DDX10: variants seen among roughly 807,000 people sequenced by gnomAD.
The protein encoded by DDX10 is DEAD-box helicase 10.
DDX10 carries 74 observed loss-of-function variants against 104.3 expected under a neutral mutation model. That is an observed-to-expected ratio of 0.71 (90% CI 0.59 to 0.86). DDX10 has a LOEUF of 0.86. Among genes scored for constraint, DDX10 ranks in the 40% least tolerant of loss-of-function variants. The pLI, the probability that DDX10 is intolerant of heterozygous loss-of-function variation, is 0.00. For missense variants in DDX10, 952 were observed against 1,040.0 expected, an observed-to-expected ratio of 0.92 and a Z score of 1.16; for synonymous variants, 351 against 353.4, an observed-to-expected ratio of 0.99 and a Z score of 0.08.
At chr11:108,697,805 G>A (rs551343620) in intron 9 of DDX10, among the ~76,000 whole-genome samples, 2 of 152,220 alleles carry the variant, frequency 1.3e-5, no homozygotes, top group South Asian at 4.1e-4. Context: ...AAAATGTCCA[G>A]TTGAAAGTAG....
chr11:108,715,416 A>G (rs1024148033), intron 10 of DDX10, among the ~76,000 whole-genome samples: 1 of 152,198 alleles, frequency 6.6e-6, no homozygotes, highest in African/African-American at 2.4e-5. Flanking sequence ...TAGCTACTTG[A>G]GAAGCTGAGA....
At chr11:108,826,738 A>G (rs959516519) in intron 13 of DDX10, among the ~76,000 whole-genome samples, 9 of 152,186 alleles carry the variant, frequency 5.9e-5, no homozygotes, top group African/African-American at 2.2e-4. Context: ...ATCCGCATGC[A>G]TCTTCCATTT....
chr11:108,714,394 G>A (rs1306700300), intron 10 of DDX10, among the ~76,000 whole-genome samples: 3 of 152,014 alleles, frequency 2.0e-5, no homozygotes, highest in Non-Finnish European at 4.4e-5. Flanking sequence ...GTCCTGTGTT[G>A]TCCATCTTTA....
At chr11:108,800,592 T>G (rs1424296639) in intron 13 of DDX10, among the ~76,000 whole-genome samples, 3 of 152,294 alleles carry the variant, frequency 2.0e-5, no homozygotes, top group African/African-American at 7.2e-5. Flanking sequence ...AATGACAACC[T>G]ATTGGTATGA....
chr11:108,692,790 C>G (rs561121545), intron 8 of DDX10, among the ~76,000 whole-genome samples: 53 of 152,090 alleles, frequency 3.5e-4, no homozygotes, highest in African/African-American at 1.2e-3. Flanking sequence ...GTAGCATGAT[C>G]ATAGCTCACT....
chr11:108,666,754 G>C (rs757349374), intron 1 of DDX10, among the ~76,000 whole-genome samples: 3 of 152,156 alleles, frequency 2.0e-5, no homozygotes, highest in Admixed American at 6.5e-5. Context: ...TTACGATTGC[G>C]TTTAGGGCCT....
chr11:108,925,459 T>A (rs898239584), intron 17 of DDX10, among the ~76,000 whole-genome samples: 2 of 152,190 alleles, frequency 1.3e-5, no homozygotes, highest in Non-Finnish European at 2.9e-5. Context: ...GAACCACCCT[T>A]GCTAGTAGGG....
chr11:108,695,979 TAAAC>T (rs544190773), intron 9 of DDX10, among the ~76,000 whole-genome samples: 10 of 152,210 alleles, frequency 6.6e-5, no homozygotes, highest in Non-Finnish European at 1.5e-4. Flanking sequence ...GATGTAGTTT[TAAAC>T]AAGCAATGCA....
At chr11:108,673,968 G>A (rs1253971292) in intron 2 of DDX10, among the ~76,000 whole-genome samples, 1 of 152,302 alleles carries the variant, frequency 6.6e-6, no homozygotes, top group South Asian at 2.1e-4. Context: ...ATTTGTTCCA[G>A]GCCTCCTTGG....
chr11:108,840,553 A>C (rs534127201), intron 14 of DDX10, among the ~76,000 whole-genome samples: 1 of 152,338 alleles, frequency 6.6e-6, no homozygotes, highest in Admixed American at 6.5e-5. Flanking sequence ...ATTACATAGT[A>C]ATGAAAAAGC....
chr11:108,675,832 T>C (rs2094224308), intron 3 of DDX10, 106 bp downstream of exon 3: 1 of 1,385,752 alleles, frequency 7.2e-7, no homozygotes, highest in African/African-American at 1.4e-5. Context: ...GATTTCATGA[T>C]AGATTGGCTA....
chr11:108,884,384 A>C (rs1186126980), intron 16 of DDX10, among the ~76,000 whole-genome samples: 2 of 152,088 alleles, frequency 1.3e-5, no homozygotes, highest in Non-Finnish European at 2.9e-5. Flanking sequence ...CCCAGTCTAC[A>C]TATGGACCAT....
chr11:108,834,592 G>T (rs576099640), intron 13 of DDX10, among the ~76,000 whole-genome samples: 77 of 152,056 alleles, frequency 5.1e-4, no homozygotes, highest in African/African-American at 1.7e-3. Flanking sequence ...TGGTTTATGT[G>T]ATTATAATTT....
intron 16 of DDX10, among the ~76,000 whole-genome samples, chr11:108,861,847 C>T (rs747993940): frequency 1.3e-5 from 2 of 152,132 alleles, no homozygotes; most frequent in African/African-American, 2.4e-5. Flanking sequence ...CATGGTTAAA[C>T]CCTGTCTCTA....
At chr11:108,671,299 G>A (rs1296027789) in intron 1 of DDX10, among the ~76,000 whole-genome samples, 3 of 152,210 alleles carry the variant, frequency 2.0e-5, no homozygotes, top group Non-Finnish European at 4.4e-5. Context: ...AAGTAGCTGG[G>A]ATTACAGGCG....
At chr11:108,783,397 A>G (rs1861737987) in intron 13 of DDX10, among the ~76,000 whole-genome samples, 1 of 152,032 alleles carries the variant, frequency 6.6e-6, no homozygotes, top group Admixed American at 6.6e-5. Flanking sequence ...GCGTTGATAA[A>G]GGAATAGAGG....
At chr11:108,667,380 C>A (rs1178639896) in intron 1 of DDX10, among the ~76,000 whole-genome samples, 1 of 152,104 alleles carries the variant, frequency 6.6e-6, no homozygotes, top group East Asian at 1.9e-4. Context: ...ATTTTACTGC[C>A]GATTAGAACC....
In DDX10 at chr11:108,917,880, A is replaced by G; in HGVS notation, c.2312A>G (p.Asp771Gly). The change falls in exon 17 of 18, where the codon GAT (aspartate) becomes GGT (glycine). Residue 771 changes from aspartate to glycine, a missense_variant. Physicochemically the swap from Asp to Gly is moderately conservative, Grantham distance 94 (BLOSUM62 -1). Coordinates refer to ENST00000322536, the MANE Select transcript of DDX10 (RefSeq NM_004398.4). ...CTTATTATTATTTTTTAGGCCAAAG[A>G]TGAAGAGGAAGCCTTTCTGGATTGG... ...EANKRQAKAKDEEEAFLDWSD... is the reference protein window; with the variant it reads ...EANKRQAKAKGEEEAFLDWSD... 1 of 1,610,678 alleles carries G rather than the reference A, an allele frequency of 6.2e-7. No individual in the cohort carries two copies. The highest frequency in any genetic ancestry group is 1.1e-5 in the South Asian group (1 of 90,308).
intron 13 of DDX10, among the ~76,000 whole-genome samples, chr11:108,800,301 C>T (rs1022592326): frequency 2.8e-4 from 41 of 147,194 alleles, no homozygotes; most frequent in African/African-American, 9.6e-4. Flanking sequence ...AAAAATTAGC[C>T]AGGCATGGTG....
Sources: gnomAD v4.1 joint callset for allele counts (sites outside exome capture counted in the v4.1 genomes callset) on GRCh38, gnomAD v4.1.1 for gene constraint, MANE v1.5 for transcripts, NCBI Gene and HGNC (gene_info 2026-07-23, HGNC 2026-07-21) for gene names.